Variants in PHLDB2 observed in about 807,000 individuals in gnomAD.
PHLDB2 encodes pleckstrin homology-like domain family B member 2.
PHLDB2 carries 71 observed loss-of-function variants against 123.6 expected under a neutral mutation model. The ratio of observed to expected loss-of-function variants is 0.57; its 90% CI spans 0.47 to 0.70. The LOEUF is 0.70. PHLDB2 is among the 30% of genes least tolerant of loss of function. The pLI, the probability that PHLDB2 is intolerant of heterozygous loss-of-function variation, is 0.00. For missense variants in PHLDB2, 1,446 were observed against 1,519.5 expected, an observed-to-expected ratio of 0.95 and a Z score of 0.80; for synonymous variants, 547 against 541.6, an observed-to-expected ratio of 1.01 and a Z score of -0.14.
chr3:111,787,563 G>T (rs1433856077), intron 1 of PHLDB2, among the ~76,000 whole-genome samples: 1 of 152,106 alleles, frequency 6.6e-6, no homozygotes, highest in African/African-American at 2.4e-5. Context: ...AGCTAGAATT[G>T]GAGGGCTCAA....
intron 6 of PHLDB2, among the ~76,000 whole-genome samples, 197 bp from the exon 7 acceptor site, chr3:111,939,278 T>C (rs1158581332): frequency 3.3e-5 from 5 of 152,110 alleles, no homozygotes; most frequent in African/African-American, 1.2e-4. Flanking sequence ...GAGGGTGAAA[T>C]AAATGCTGCC....
At chr3:111,958,146 G>A in intron 12 of PHLDB2, 1 of 344,554 alleles carries the variant, frequency 2.9e-6, no homozygotes, top group Non-Finnish European at 4.1e-6. Flanking sequence ...TGTTGGAAGT[G>A]TTGTATGTTT....
intron 1 of PHLDB2, among the ~76,000 whole-genome samples, chr3:111,763,090 T>C (rs1205921966): frequency 6.6e-6 from 1 of 152,174 alleles, no homozygotes; most frequent in East Asian, 1.9e-4. Context: ...CAGGGAGCCA[T>C]AGCTGCACTG....
chr3:111,924,802 C>T (rs1242901269), intron 5 of PHLDB2, among the ~76,000 whole-genome samples: 1 of 152,128 alleles, frequency 6.6e-6, no homozygotes, highest in Non-Finnish European at 1.5e-5. Context: ...TTTAATAATA[C>T]CTCAGAATGC....
chr3:111,864,451 T>C (rs955295717), intron 1 of PHLDB2, among the ~76,000 whole-genome samples: 5 of 152,250 alleles, frequency 3.3e-5, no homozygotes, highest in African/African-American at 9.6e-5. Context: ...CATCCAGGAA[T>C]TTGAACCTTC....
intron 9 of PHLDB2, 103 bp from the exon 10 acceptor site, chr3:111,948,829 C>A: frequency 1.9e-6 from 2 of 1,032,574 alleles, no homozygotes; most frequent in Non-Finnish European, 2.9e-6. Flanking sequence ...AGATATCTGG[C>A]TGTGCCGCTC....
intron 2 of PHLDB2, among the ~76,000 whole-genome samples, chr3:111,903,623 T>C (rs1206192508): frequency 1.3e-5 from 2 of 152,214 alleles, no homozygotes; most frequent in Admixed American, 6.5e-5. Context: ...TGTTAATCAG[T>C]ATTAGAGATG....
intron 5 of PHLDB2, among the ~76,000 whole-genome samples, chr3:111,928,720 G>A (rs997706730): frequency 6.6e-6 from 1 of 152,050 alleles, no homozygotes; most frequent in African/African-American, 2.4e-5. Context: ...TATGAATGTG[G>A]AACTCTAGAA....
chr3:111,891,605 C>T (rs764986197), intron 2 of PHLDB2, among the ~76,000 whole-genome samples: 1 of 152,018 alleles, frequency 6.6e-6, no homozygotes, highest in Non-Finnish European at 1.5e-5. Flanking sequence ...AAATAAAGTG[C>T]CCAATAAATG....
At chr3:111,930,731 A>G (rs769059131) in intron 5 of PHLDB2, among the ~76,000 whole-genome samples, 126 of 152,264 alleles carry the variant, frequency 8.3e-4, no homozygotes, top group Non-Finnish European at 1.5e-3. Context: ...GCTTTCTCCA[A>G]CTCTTGCACA....
At chr3:111,968,032 C>T (rs889284507) in intron 15 of PHLDB2, among the ~76,000 whole-genome samples, 1 of 149,166 alleles carries the variant, frequency 6.7e-6, no homozygotes, top group African/African-American at 2.5e-5. Flanking sequence ...TAGGGAACCA[C>T]CAACCAAATG....
At chr3:111,839,803 G>A (rs1448856002) in intron 1 of PHLDB2, among the ~76,000 whole-genome samples, 1 of 151,954 alleles carries the variant, frequency 6.6e-6, no homozygotes, top group Non-Finnish European at 1.5e-5. Context: ...TAGGACCGAG[G>A]TATAGAAAAA....
At chr3:111,806,642 C>T (rs1178387503) in intron 1 of PHLDB2, among the ~76,000 whole-genome samples, 1 of 152,006 alleles carries the variant, frequency 6.6e-6, no homozygotes, top group Non-Finnish European at 1.5e-5. Context: ...CGAGCCAGCA[C>T]ACCTGGCTAA....
chr3:111,814,628 T>TTA (rs1429938455), intron 1 of PHLDB2, among the ~76,000 whole-genome samples: 1 of 142,138 alleles, frequency 7.0e-6, no homozygotes, highest in Non-Finnish European at 1.5e-5. Flanking sequence ...AGTATTTATT[T>TTA]AAAAAAAAAA....
intron 6 of PHLDB2, among the ~76,000 whole-genome samples, chr3:111,937,127 C>T (rs989168725): frequency 3.3e-5 from 5 of 152,142 alleles, no homozygotes; most frequent in African/African-American, 9.7e-5. Context: ...TTTTCCTGTT[C>T]TTAAGCTTTG....
At chr3:111,959,641 C>T (rs1046865230) in intron 12 of PHLDB2, among the ~76,000 whole-genome samples, 6 of 152,338 alleles carry the variant, frequency 3.9e-5, no homozygotes, top group Admixed American at 2.0e-4. Flanking sequence ...CTTCTACATT[C>T]ACCTGAAACA....
intron 1 of PHLDB2, among the ~76,000 whole-genome samples, chr3:111,788,421 G>A (rs1204754577): frequency 6.6e-6 from 1 of 152,106 alleles, no homozygotes; most frequent in African/African-American, 2.4e-5. Flanking sequence ...GTCCTCTAAA[G>A]GTAGAAAAGT....
chr3:111,938,746 T>A (rs2069662968), intron 6 of PHLDB2, among the ~76,000 whole-genome samples: 1 of 152,146 alleles, frequency 6.6e-6, no homozygotes, highest in African/African-American at 2.4e-5. Flanking sequence ...TTAGTCTTGT[T>A]TTCTATGAAA....
At chr3:111,834,220 A>C (rs1576810273) in intron 1 of PHLDB2, among the ~76,000 whole-genome samples, 1 of 22,914 alleles carries the variant, frequency 4.4e-5, no homozygotes, top group Admixed American at 5.4e-4. Flanking sequence ...TAATAGAATT[A>C]TATATATATT....
Sources: gnomAD v4.1 joint callset for allele counts (sites outside exome capture counted in the v4.1 genomes callset) on GRCh38, gnomAD v4.1.1 for gene constraint, MANE v1.5 for transcripts, NCBI Gene and HGNC (gene_info 2026-07-23, HGNC 2026-07-21) for gene names.